ABCG2: variants seen among roughly 807,000 people sequenced by gnomAD.
The protein encoded by ABCG2 is ATP binding cassette subfamily G member 2 (JR blood group), also known as broad substrate specificity ATP-binding cassette transporter ABCG2.
In ABCG2, 80 loss-of-function variants were observed where a neutral mutation model predicts 73.5. The ratio of observed to expected loss-of-function variants is 1.09; its 90% CI spans 0.91 to 1.31. ABCG2 has a LOEUF of 1.31. Among genes scored for constraint, ABCG2 ranks in the 50% most tolerant of loss-of-function variants. The pLI is 0.00. For missense variants in ABCG2, 796 were observed against 786.2 expected, an observed-to-expected ratio of 1.01 and a Z score of -0.15; for synonymous variants, 269 against 282.4, an observed-to-expected ratio of 0.95 and a Z score of 0.48.
intron 1 of ABCG2, among the ~76,000 whole-genome samples, chr4:88,202,354 T>TATATATATGTATATATATATATATA (rs1553945717): frequency 1.6e-5 from 1 of 62,086 alleles, no homozygotes; most frequent in Non-Finnish European, 3.2e-5. Flanking sequence ...CTACAATTAT[T>TATATATATGTATATATATATATATA]TATATATATA....
Position 88,208,312 on chromosome 4 carries a change from G to C in ABCG2, c.-20+22682C>G, listed in dbSNP as rs184857710. 9.2e-5 allele frequency among the ~76,000 whole-genome samples: 14 copies of C among 152,258 alleles called. No individual in the cohort carries two copies. In the East Asian group the frequency reaches 2.7e-3, roughly 29 times the overall value. On this transcript the variant is annotated intron_variant, in intron 1 of 15. Transcript: ENST00000515655. ...CAAGGATACATAGCTGGATGATAAG[G>C]GTAAGCTATAGGGAGAGTCGGAGAA...
intron 2 of ABCG2, among the ~76,000 whole-genome samples, chr4:88,139,376 C>T (rs1197601584): frequency 6.6e-6 from 1 of 152,132 alleles, no homozygotes; most frequent in Non-Finnish European, 1.5e-5. Flanking sequence ...GCCTCAGCCT[C>T]CCAAGTAGCT....
chr4:88,188,736 C>A (rs189870433), intron 1 of ABCG2, among the ~76,000 whole-genome samples: 2 of 152,248 alleles, frequency 1.3e-5, no homozygotes, highest in South Asian at 2.1e-4. Flanking sequence ...ATCTTCCAGG[C>A]TGCGCAGTGG....
chr4:88,163,173 A>C (rs915525626), upstream of ABCG2, among the ~76,000 whole-genome samples: 1 of 152,130 alleles, frequency 6.6e-6, no homozygotes, highest in Non-Finnish European at 1.5e-5. Flanking sequence ...AAGAGAGGCT[A>C]TGTGCACAGT....
In ABCG2 at chr4:88,156,441, C is replaced by T. The variant is rs890083034; in HGVS notation, c.-20+1945G>A. On this transcript the variant is annotated intron_variant, in intron 1 of 15. Transcript: ENST00000237612. ...TATGTCAAAGTGGCACAGGCGCCAA[C>T]CTGAAAAAGGTCCCAGTGGTGAAAG... Among the ~76,000 whole-genome samples the T allele has an allele frequency of 2.7e-5, 4 of 149,656 alleles. No homozygotes were observed. The South Asian group carries it at 8.6e-4, about 32-fold the overall frequency.
At chr4:88,209,392 G>T (rs750872644) in intron 1 of ABCG2, among the ~76,000 whole-genome samples, 2 of 151,306 alleles carry the variant, frequency 1.3e-5, no homozygotes, top group African/African-American at 4.9e-5. Context: ...GACCGGATGC[G>T]GTGGCTCACA....
chr4:88,201,643 C>G (rs923565736), intron 1 of ABCG2: 6 of 152,138 alleles, frequency 3.9e-5, no homozygotes, highest in African/African-American at 1.4e-4. Flanking sequence ...CCTAGCTACT[C>G]AAGGACCAGG....
At chr4:88,196,149 C>A (rs940771245) in intron 1 of ABCG2, among the ~76,000 whole-genome samples, 2 of 152,260 alleles carry the variant, frequency 1.3e-5, no homozygotes, top group Middle Eastern at 6.8e-3. Flanking sequence ...GACACTCCTG[C>A]CCCGCACATT....
chr4:88,135,952 C>T (rs1286370078), intron 2 of ABCG2, among the ~76,000 whole-genome samples: 1 of 152,040 alleles, frequency 6.6e-6, no homozygotes, highest in African/African-American at 2.4e-5. Context: ...AATCTCCCAC[C>T]CTCTCTAGCC....
rs149689719 is a variant in ABCG2 at position 88,098,781 on chromosome 4, A to G, written c.1492+543T>C. On this transcript the variant is annotated intron_variant, in intron 12 of 15. Transcript: ENST00000237612. ...TTCTTTCCATGTTTGTGTATAACAC[A>G]AGCATCTCTCAGTAAAGTGTAGTTT... is the stretch of plus-strand genomic sequence containing the variant. 2.0e-3 allele frequency among the ~76,000 whole-genome samples: 310 copies of G among 152,270 alleles called. 2 individuals carry two copies. The highest frequency in any genetic ancestry group is 7.0e-3 in the African/African-American group (292 of 41,542).
intron 1 of ABCG2, among the ~76,000 whole-genome samples, chr4:88,188,374 A>G (rs1274745328): frequency 6.6e-6 from 1 of 151,898 alleles, no homozygotes; most frequent in African/African-American, 2.4e-5. Context: ...TATTTTAATT[A>G]CAATTAACTT....
At chr4:88,192,962 C>T (rs1013800109) in intron 1 of ABCG2, among the ~76,000 whole-genome samples, 2 of 152,220 alleles carry the variant, frequency 1.3e-5, no homozygotes, top group East Asian at 1.9e-4. Context: ...ATCCACCCGC[C>T]TCAGCCTCCC....
At chr4:88,092,877 A>G (rs1019063261) in intron 15 of ABCG2, among the ~76,000 whole-genome samples, 3 of 152,222 alleles carry the variant, frequency 2.0e-5, no homozygotes, top group African/African-American at 7.2e-5. Flanking sequence ...ACAAATAGCC[A>G]TAAAAAACAA....
intron 7 of ABCG2, among the ~76,000 whole-genome samples, chr4:88,116,275 C>T (rs981249572): frequency 6.6e-6 from 1 of 151,990 alleles, no homozygotes; most frequent in Non-Finnish European, 1.5e-5. Flanking sequence ...AGAACAAATC[C>T]CCTGAGCAGT....
At chr4:88,200,219 T>C (rs1197847797) in intron 1 of ABCG2, among the ~76,000 whole-genome samples, 2 of 151,986 alleles carry the variant, frequency 1.3e-5, no homozygotes, top group African/African-American at 2.4e-5. Flanking sequence ...TCCCAGCTAC[T>C]TGGGGGGCTG....
chr4:88,133,495 T>C (rs1047275551), intron 2 of ABCG2, among the ~76,000 whole-genome samples: 1 of 152,164 alleles, frequency 6.6e-6, no homozygotes, highest in Admixed American at 6.5e-5. Flanking sequence ...ATCACTTTGG[T>C]AGGGTCATCC....
chr4:88,131,230 T>C lies in ABCG2; in HGVS notation c.379-17A>G, dbSNP rs374230387. On this transcript the variant is annotated splice_polypyrimidine_tract_variant and intron_variant, in intron 4 of 15. Transcript: ENST00000237612. The stretch of plus-strand genomic sequence containing the variant: ...AACATCATCCTTAAGGCAAATAGCA[T>C]TTTAATGAGACATAATGATAATGAG... 22 of 1,612,690 alleles carry C rather than the reference T, an allele frequency of 1.4e-5. 1 individual carries two copies. The highest frequency in any genetic ancestry group is 1.3e-5 in the African/African-American group (1 of 74,876).
intron 1 of ABCG2, among the ~76,000 whole-genome samples, chr4:88,222,864 G>A (rs532000676): frequency 1.8e-4 from 28 of 152,312 alleles, no homozygotes; most frequent in African/African-American, 6.5e-4. Context: ...GCTGGAAGAG[G>A]GGGCTATACC....
At position 88,116,617 on chromosome 4, in the gene ABCG2, G is replaced by C. The variant is rs1331951352; in HGVS notation, c.841+1492C>G. Reference sequence around the variant, plus strand: ...CACCCAGGCTGGAGTGCAGTGGCGCGATCTCGGCTCACTGCAAGCTCCGCC... The same window carrying C: ...CACCCAGGCTGGAGTGCAGTGGCGCCATCTCGGCTCACTGCAAGCTCCGCC... On this transcript the variant is annotated intron_variant, in intron 7 of 15. Transcript: ENST00000237612. Among the ~76,000 whole-genome samples, 5 of 512 alleles carry C rather than the reference G, an allele frequency of 9.8e-3. 2 individuals are homozygous for C. Among genetic ancestry groups the C allele is most frequent in the African/African-American group, 1.0e-2 (5 of 502 alleles). 0.3% of individuals were successfully genotyped at this position (512 alleles called of 152,430 possible). A position where few individuals can be genotyped will look rare whatever the true frequency, so the allele number is the denominator to read the frequency against.
Sources: allele counts gnomAD v4.1 joint callset (sites outside exome capture counted in the v4.1 genomes callset), GRCh38; gene constraint gnomAD v4.1.1; transcripts MANE v1.5; gene names NCBI Gene and HGNC (gene_info 2026-07-23, HGNC 2026-07-21).